GREB1: variants seen among roughly 807,000 people sequenced by gnomAD.
The protein encoded by GREB1 is protein GREB1.
GREB1 carries 106 observed loss-of-function variants against 200.7 expected under a neutral mutation model. The observed-to-expected ratio is 0.53, with a 90% CI of 0.45 to 0.62. The LOEUF is 0.62. Ranked by LOEUF, GREB1 falls within the 20% of genes least tolerant of loss-of-function variation. GREB1 has a pLI of 0.00. For synonymous variants in GREB1, 1,132 were observed against 1,092.4 expected (o/e 1.04, Z -0.72); for missense variants, 2,243 against 2,556.8 (o/e 0.88, Z 2.65).
Position 11,626,944 on chromosome 2 carries a change from C to G in GREB1, c.4307-18C>G. ...CTTTGCTCCCTGCTGCTTTTTAATC[C>G]TGGGGAATTTGGTGCAGACAGAGGG... is the stretch of plus-strand genomic sequence containing the variant. On this transcript the variant is annotated intron_variant, in intron 24 of 32. Transcript: ENST00000381486. 1.2e-6 allele frequency: 2 copies of G among 1,613,918 alleles called. No individual in the cohort carries two copies. Among genetic ancestry groups the G allele is most frequent in the Non-Finnish European group, 8.5e-7 (1 of 1,179,832 alleles).
At chr2:11,585,138 T>C in intron 7 of GREB1, 23 bp from the exon 8 acceptor site, 3 of 1,369,326 alleles carry the variant, frequency 2.2e-6, no homozygotes, top group Non-Finnish European at 1.0e-6. Flanking sequence ...GATAGCCTAA[T>C]CCACACTCTG....
In GREB1 at chr2:11,576,511, C is replaced by T. The variant is rs755002191; in HGVS notation, c.613C>T (p.Pro205Ser). The change falls in exon 5 of 33, where the codon CCT (proline) becomes TCT (serine). Residue 205 changes from proline to serine, a missense_variant. Coordinates refer to ENST00000381486, the MANE Select transcript of GREB1 (RefSeq NM_014668.4). ...TGCACAAGGGACTCTAACCAAAGGA[C>T]CTTTAATCTGTTGGAAAGGCTCAGG... ...RNAQGTLTKGPLICWKGSEFR... is the reference protein window; with the variant it reads ...RNAQGTLTKGSLICWKGSEFR... 103 of 1,613,256 alleles carry T rather than the reference C, an allele frequency of 6.4e-5. No individual in the cohort carries two copies. The highest frequency in any genetic ancestry group is 8.1e-5 in the Non-Finnish European group (96 of 1,179,840).
chr2:11,491,121 G>A (rs968330971), intron 1 of GREB1, among the ~76,000 whole-genome samples: 2 of 152,164 alleles, frequency 1.3e-5, no homozygotes, highest in Admixed American at 6.6e-5. Flanking sequence ...ATTTGCTGTG[G>A]TGTGGATTTT....
At chr2:11,539,062 T>TCTTCC (rs137985676) in intron 1 of GREB1, among the ~76,000 whole-genome samples, 5,697 of 135,474 alleles carry the variant, frequency 0.042, 171 homozygotes, top group Middle Eastern at 0.093. Context: ...TCTTCTCTTC[T>TCTTCC]CTTCTCTTAT....
chr2:11,537,991 G>A (rs1572612322), intron 1 of GREB1, among the ~76,000 whole-genome samples: 1 of 152,046 alleles, frequency 6.6e-6, no homozygotes, highest in East Asian at 1.9e-4. Flanking sequence ...TTTTTGCTGG[G>A]TATTTTGTTA....
intron 1 of GREB1, among the ~76,000 whole-genome samples, chr2:11,486,832 T>G (rs1672667464): frequency 6.6e-6 from 1 of 151,850 alleles, no homozygotes; most frequent in Non-Finnish European, 1.5e-5. Context: ...CACGCCATTG[T>G]ACTCCAGCCT....
At position 11,595,253 on chromosome 2, in the gene GREB1, A is replaced by G; in HGVS notation, c.1699A>G (p.Lys567Glu). 1.2e-6 allele frequency: 2 copies of G among 1,612,408 alleles called. No individual in the cohort carries two copies. The highest frequency in any genetic ancestry group is 2.2e-5 in the South Asian group (2 of 90,724). The part of the protein sequence containing the change: ...AIDSCIAVTG[K>E]YQARILSESL... ...TGTGAAATCTGTTTGCTTTCCAGGA[A>G]AATACCAAGCCCGGATTCTTTCCGA... is the stretch of plus-strand genomic sequence containing the variant. The change falls in exon 12 of 33, where the codon AAA becomes GAA. Residue 567 changes from lysine (K) to glutamate (E), a missense_variant and splice_region_variant. This residue lies in a region of GREB1 where 1,178 missense variants were observed against 1,387.4 expected (regional missense o/e 0.85). Transcript: ENST00000381486.
intron 1 of GREB1, among the ~76,000 whole-genome samples, chr2:11,497,702 T>C (rs1054174694): frequency 2.0e-5 from 3 of 152,194 alleles, no homozygotes; most frequent in Non-Finnish European, 4.4e-5. Flanking sequence ...GTGGTTTTAA[T>C]TTGTATTTTC....
chr2:11,599,569 G>A (rs1438382336), intron 15 of GREB1, among the ~76,000 whole-genome samples: 1 of 144,242 alleles, frequency 6.9e-6, no homozygotes, highest in Non-Finnish European at 1.5e-5. Flanking sequence ...GCCCAGGCTT[G>A]GAGTGCAGTG....
chr2:11,535,694 G>A (rs1674259777), intron 1 of GREB1, among the ~76,000 whole-genome samples: 1 of 152,140 alleles, frequency 6.6e-6, no homozygotes, highest in Non-Finnish European at 1.5e-5. Flanking sequence ...TGATTCAAGG[G>A]GAGAGGCTGA....
At chr2:11,509,233 C>T (rs1673282419) in intron 1 of GREB1, among the ~76,000 whole-genome samples, 1 of 152,066 alleles carries the variant, frequency 6.6e-6, no homozygotes, top group Non-Finnish European at 1.5e-5. Flanking sequence ...ACCATATTCA[C>T]TTTTTTCTCC....
chr2:11,623,654 G>A (rs750314292), intron 23 of GREB1, among the ~76,000 whole-genome samples: 5 of 152,228 alleles, frequency 3.3e-5, no homozygotes, highest in Admixed American at 2.0e-4. Context: ...ACTTTGTGGG[G>A]CCGAGGTGGG....
At position 11,580,328 on chromosome 2, in the gene GREB1, G is replaced by T. The variant is rs1572791753; in HGVS notation, c.773-376G>T. 6.6e-6 allele frequency among the ~76,000 whole-genome samples: 1 copy of T among 152,210 alleles called. No individual in the cohort carries two copies. Among genetic ancestry groups the T allele is most frequent in the African/African-American group, 2.4e-5 (1 of 41,452 alleles). On this transcript the variant is annotated intron_variant, in intron 6 of 32. Transcript: ENST00000381486. This position sits in a 1 kb window ranked among gnomAD's most constrained non-coding sequence, Gnocchi z 4.5. ...CAGGTGTGGTCCTGGAATTCAGGAAGTCCCCCGGTCCTTCTTTAACTCAGG... is the reference window on the plus strand; with the variant it reads ...CAGGTGTGGTCCTGGAATTCAGGAATTCCCCCGGTCCTTCTTTAACTCAGG...
At chr2:11,615,049 G>T in intron 19 of GREB1, 42 bp from the exon 20 acceptor site, 1 of 1,483,118 alleles carries the variant, frequency 6.7e-7, no homozygotes, top group South Asian at 1.1e-5. Flanking sequence ...CACTCCACTT[G>T]TGGAAGGCAC....
At position 11,556,879 on chromosome 2, in the gene GREB1, G is replaced by A. The variant is rs1296527941; in HGVS notation, c.157+108G>A. ...CTTTATGTAGATAACGTTGAATCTA[G>A]CAGAAAAGAATTATTAGAAAAAGAA... On this transcript the variant is annotated intron_variant, in intron 2 of 32. Transcript: ENST00000381486. 1.0e-5 allele frequency: 8 copies of A among 783,642 alleles called. No homozygotes were observed. The Admixed American group carries it at 3.0e-4, about 29-fold the overall frequency. The allele number at this position is 783,642 out of a possible 1,614,324, so 48.5% of individuals were successfully genotyped here. A position where few individuals can be genotyped will look rare whatever the true frequency, so the allele number is the denominator to read the frequency against.
At chr2:11,503,459 ATAT>A (rs1206808406) in intron 1 of GREB1, among the ~76,000 whole-genome samples, 1 of 151,972 alleles carries the variant, frequency 6.6e-6, no homozygotes, top group Non-Finnish European at 1.5e-5. Flanking sequence ...CTTTTTTATA[ATAT>A]TATGACAAAT....
Position 11,640,914 on chromosome 2 carries a change from G to C in GREB1, c.*460G>C, listed in dbSNP as rs555760414. 3 of 156,578 alleles carry C rather than the reference G, an allele frequency of 1.9e-5. No homozygotes were observed. The South Asian group carries it at 6.0e-4, about 31-fold the overall frequency. The allele number at this position is 156,578 out of a possible 1,614,324, so 9.7% of individuals were successfully genotyped here. A position where few individuals can be genotyped will look rare whatever the true frequency, so the allele number is the denominator to read the frequency against. ...CCAAAGGAACATTTTAACTGTAAAG[G>C]CTGGAGACAAGAAAAAATAAGTAGA... On this transcript the variant is annotated 3_prime_UTR_variant, in exon 33 of 33. Transcript: ENST00000381486. The surrounding 1 kb of genome is among the most constrained non-coding windows in gnomAD (Gnocchi z 4.6).
chr2:11,632,232 A>G, intron 27 of GREB1, 119 bp downstream of exon 27: 1 of 700,334 alleles, frequency 1.4e-6, no homozygotes. Context: ...GGACTTTTAA[A>G]GCTATTTTCA....
chr2:11,623,758 G>A (rs1272206521), intron 23 of GREB1, among the ~76,000 whole-genome samples: 1 of 152,132 alleles, frequency 6.6e-6, no homozygotes, highest in East Asian at 1.9e-4. Flanking sequence ...GGATGTGGTG[G>A]CACGCGCCTG....
Sources: allele counts gnomAD v4.1 joint callset (sites outside exome capture counted in the v4.1 genomes callset), GRCh38; gene constraint gnomAD v4.1.1; regional missense constraint gnomAD v4.1.1; non-coding constraint Gnocchi (gnomAD v3.1); transcripts MANE v1.5; gene names NCBI Gene and HGNC (gene_info 2026-07-23, HGNC 2026-07-21).